Variants in NTM observed in about 807,000 individuals in gnomAD.
NTM encodes the protein neurotrimin.
A neutral mutation model predicts 42.1 loss-of-function variants in NTM; 13 were observed. The ratio of observed to expected loss-of-function variants is 0.31; its 90% CI spans 0.20 to 0.49. The LOEUF (loss-of-function observed/expected upper bound fraction) is 0.49. Ranked by LOEUF, NTM falls within the 20% of genes least tolerant of loss-of-function variation. The pLI is 0.99. For synonymous variants in NTM, 187 were observed against 179.2 expected (o/e 1.04, Z -0.35); for missense variants, 373 against 452.8 (o/e 0.82, Z 1.60).
At chr11:131,991,528 C>T (rs189841277) in intron 2 of NTM, among the ~76,000 whole-genome samples, 1 of 152,180 alleles carries the variant, frequency 6.6e-6, no homozygotes, top group East Asian at 1.9e-4. Context: ...TAGCCCATAT[C>T]CTTCATTTTA....
At chr11:131,425,326 G>C (rs1169346136) in intron 1 of NTM, among the ~76,000 whole-genome samples, 1 of 152,144 alleles carries the variant, frequency 6.6e-6, no homozygotes, top group Non-Finnish European at 1.5e-5. Flanking sequence ...ACGCCCTATA[G>C]TTCCTGCCGC....
intron 1 of NTM, among the ~76,000 whole-genome samples, chr11:131,398,359 T>G (rs1040630108): frequency 1.4e-4 from 21 of 152,246 alleles, no homozygotes; most frequent in Non-Finnish European, 2.9e-4. Context: ...AAGGAAGCTT[T>G]AAAAAGATTT....
intron 7 of NTM, among the ~76,000 whole-genome samples, chr11:132,320,605 G>C (rs1592006797): frequency 6.6e-6 from 1 of 152,194 alleles, no homozygotes; most frequent in South Asian, 2.1e-4. Flanking sequence ...GGGGAGGGGT[G>C]CCCGCCATTG....
chr11:131,497,482 T>C (rs1955472891), intron 1 of NTM, among the ~76,000 whole-genome samples: 1 of 150,220 alleles, frequency 6.7e-6, no homozygotes, highest in Non-Finnish European at 1.5e-5. Flanking sequence ...CCACCGTGCC[T>C]AGCCCATAGG....
intron 1 of NTM, among the ~76,000 whole-genome samples, chr11:131,882,284 G>A (rs2049659630): frequency 6.6e-6 from 1 of 152,166 alleles, no homozygotes; most frequent in Admixed American, 6.5e-5. Context: ...TACAAGATGG[G>A]CCAACGGGGA....
intron 1 of NTM, among the ~76,000 whole-genome samples, chr11:131,849,865 A>G (rs540887505): frequency 6.6e-6 from 1 of 151,356 alleles, no homozygotes; most frequent in South Asian, 2.1e-4. Flanking sequence ...AGATATACCT[A>G]ATGCTAAATG....
chr11:132,045,965 G>A (rs1465701906), intron 2 of NTM, among the ~76,000 whole-genome samples: 1 of 152,182 alleles, frequency 6.6e-6, no homozygotes, highest in Non-Finnish European at 1.5e-5. Context: ...CATAGGTTGT[G>A]TGTAAAAATA....
intron 2 of NTM, among the ~76,000 whole-genome samples, chr11:132,061,926 G>A (rs1267146130): frequency 6.6e-6 from 1 of 152,176 alleles, no homozygotes; most frequent in Non-Finnish European, 1.5e-5. Context: ...AACAAGTGAT[G>A]TGAGTGCGTG....
intron 2 of NTM, among the ~76,000 whole-genome samples, chr11:131,970,465 T>C (rs1347805018): frequency 1.3e-5 from 2 of 152,200 alleles, no homozygotes; most frequent in Non-Finnish European, 2.9e-5. Flanking sequence ...ACTTTATCCT[T>C]CCCGAATTGG....
At chr11:131,962,893 A>G (rs770241335) in intron 2 of NTM, among the ~76,000 whole-genome samples, 15 of 152,284 alleles carry the variant, frequency 9.9e-5, no homozygotes, top group Admixed American at 3.9e-4. Flanking sequence ...TTCTCACTGC[A>G]ACCTCCAAAC....
chr11:131,801,763 G>A (rs2092133811), intron 1 of NTM, among the ~76,000 whole-genome samples: 1 of 152,066 alleles, frequency 6.6e-6, no homozygotes, highest in Non-Finnish European at 1.5e-5. Flanking sequence ...CGGGAACCAG[G>A]CCGCCTTGCA....
intron 1 of NTM, among the ~76,000 whole-genome samples, chr11:131,405,825 T>G (rs1446445686): frequency 6.6e-6 from 1 of 152,172 alleles, no homozygotes; most frequent in Non-Finnish European, 1.5e-5. Context: ...GTGAGTATGC[T>G]CCACTAACCC....
At position 132,041,089 on chromosome 11, in the gene NTM, A is replaced by C. The variant is rs372662037; in HGVS notation, c.168-105193A>C. Among the ~76,000 whole-genome samples the C allele has an allele frequency of 1.1e-4, 16 of 152,340 alleles. No homozygotes were observed. The East Asian group carries it at 2.9e-3, about 28-fold the overall frequency. On this transcript the variant is annotated intron_variant, in intron 2 of 8. Transcript: ENST00000683400. ...GAGTCTTCAATACCCCACATTTAAAAAGAACTGTTGCAGTTACATTTTTCT... is the reference window on the plus strand; with the variant it reads ...GAGTCTTCAATACCCCACATTTAAACAGAACTGTTGCAGTTACATTTTTCT...
intron 2 of NTM, among the ~76,000 whole-genome samples, chr11:131,994,019 AG>A (rs1192242013): frequency 1.0e-3 from 128 of 128,524 alleles, no homozygotes; most frequent in African/African-American, 4.2e-3. Context: ...AAAAAAAAAA[AG>A]AAGAAGAAGA....
intron 1 of NTM, among the ~76,000 whole-genome samples, chr11:131,445,668 C>T (rs1282018904): frequency 2.6e-5 from 4 of 152,122 alleles, no homozygotes; most frequent in Non-Finnish European, 5.9e-5. Flanking sequence ...ATGTGACTTG[C>T]TTGTTTTTCC....
At chr11:132,059,947 A>C (rs374112625) in intron 2 of NTM, among the ~76,000 whole-genome samples, 10 of 151,986 alleles carry the variant, frequency 6.6e-5, no homozygotes, top group Non-Finnish European at 8.8e-5. Flanking sequence ...CAGCCTTTTG[A>C]GGGAGGTGCC....
intron 1 of NTM, among the ~76,000 whole-genome samples, chr11:131,819,187 C>A (rs983602794): frequency 1.3e-5 from 2 of 152,090 alleles, no homozygotes; most frequent in South Asian, 2.1e-4. Context: ...CTGTAAGAGA[C>A]CCTCTAGTTC....
At chr11:131,869,353 T>G (rs1357902418) in intron 1 of NTM, among the ~76,000 whole-genome samples, 1 of 152,222 alleles carries the variant, frequency 6.6e-6, no homozygotes, top group Non-Finnish European at 1.5e-5. Context: ...CCAGTCATTG[T>G]GTGATTTACA....
At chr11:131,385,098 A>C (rs1943152944) in intron 1 of NTM, among the ~76,000 whole-genome samples, 1 of 152,090 alleles carries the variant, frequency 6.6e-6, no homozygotes, top group Non-Finnish European at 1.5e-5. Flanking sequence ...ATCCTTGCTC[A>C]CCTCCTCTTG....
Sources: allele counts gnomAD v4.1 joint callset (sites outside exome capture counted in the v4.1 genomes callset), GRCh38; gene constraint gnomAD v4.1.1; transcripts MANE v1.5; gene names NCBI Gene and HGNC (gene_info 2026-07-23, HGNC 2026-07-21).